MYT1: variants seen among roughly 807,000 people sequenced by gnomAD.
The protein encoded by MYT1 is myelin transcription factor 1, also known as myelin transcription factor I.
MYT1 carries 23 observed loss-of-function variants against 123.0 expected under a neutral mutation model. That is an observed-to-expected ratio of 0.19 (90% CI 0.13 to 0.26). The LOEUF is 0.26. MYT1 is among the 10% of genes least tolerant of loss of function. MYT1 has a pLI of 1.00. For synonymous variants in MYT1, 518 were observed against 575.3 expected (o/e 0.90, Z 1.43); for missense variants, 1,125 against 1,472.5 (o/e 0.76, Z 3.86).
chr20:64,227,874 T>A lies in MYT1; in HGVS notation c.2592-14T>A. 1 of 1,608,018 alleles carries A rather than the reference T, an allele frequency of 6.2e-7. No homozygotes were observed. Among genetic ancestry groups the A allele is most frequent in the Middle Eastern group, 1.7e-4 (1 of 6,012 alleles). Reference sequence around the variant, plus strand: ...CCAGCACTAAGGTGGCCTTTTTTCCTCTTTCGAAATCAGCTTGTCCGGCTG... The same window carrying A: ...CCAGCACTAAGGTGGCCTTTTTTCCACTTTCGAAATCAGCTTGTCCGGCTG... On this transcript the variant is annotated splice_polypyrimidine_tract_variant and intron_variant, in intron 17 of 22. Transcript: ENST00000328439.
chr20:64,208,505 C>T lies in MYT1; in HGVS notation c.1291+18C>T, dbSNP rs1433060062. 1 of 1,567,890 alleles carries T rather than the reference C, an allele frequency of 6.4e-7. No individual in the cohort carries two copies. Among genetic ancestry groups the T allele is most frequent in the Admixed American group, 1.8e-5 (1 of 57,020 alleles). Reference sequence around the variant, plus strand: ...CAGTAAAGGTAGGGCTCAGGGGTGGCCTGGCCCTGCAGACTCATCCTTTCA... The same window carrying T: ...CAGTAAAGGTAGGGCTCAGGGGTGGTCTGGCCCTGCAGACTCATCCTTTCA... On this transcript the variant is annotated intron_variant, in intron 7 of 22. Transcript: ENST00000328439. The surrounding 1 kb of genome is among the most constrained non-coding windows in gnomAD (Gnocchi z 5.4).
In MYT1 at chr20:64,190,899, G is replaced by A. The variant is rs1156349857; in HGVS notation, c.-1+739G>A. 6.6e-6 allele frequency among the ~76,000 whole-genome samples: 1 copy of A among 152,156 alleles called. No individual in the cohort carries two copies. Among genetic ancestry groups the A allele is most frequent in the Non-Finnish European group, 1.5e-5 (1 of 68,030 alleles). ...CAGGAGAATCACTTGAACCTGGGAG[G>A]CAGAGGTTGCAGTGACCCAAGATTG... is the stretch of plus-strand genomic sequence containing the variant. On this transcript the variant is annotated intron_variant, in intron 2 of 22. Coordinates refer to ENST00000328439, the MANE Select transcript of MYT1 (RefSeq NM_004535.3). The surrounding 1 kb of genome is among the most constrained non-coding windows in gnomAD (Gnocchi z 4.1).
At chr20:64,214,825 C>T (rs1332719274) in intron 10 of MYT1, among the ~76,000 whole-genome samples, 1 of 152,254 alleles carries the variant, frequency 6.6e-6, no homozygotes, top group Admixed American at 6.5e-5. Flanking sequence ...CACCTGACCC[C>T]GGCCCTTCCT....
chr20:64,215,258 C>T (rs1262902522), intron 10 of MYT1, among the ~76,000 whole-genome samples: 3 of 152,198 alleles, frequency 2.0e-5, no homozygotes, highest in Non-Finnish European at 2.9e-5. Flanking sequence ...TTGGAGACTG[C>T]ACTCCCTGGG....
intron 1 of MYT1, among the ~76,000 whole-genome samples, chr20:64,181,178 T>C (rs775262014): frequency 5.9e-5 from 9 of 152,144 alleles, no homozygotes; most frequent in Admixed American, 1.3e-4. Flanking sequence ...GTTTTAAAAT[T>C]TTATAGTGCC....
At position 64,227,445 on chromosome 20, in the gene MYT1, C is replaced by G; in HGVS notation, c.2559C>G (p.Gly853=). ...KCPTPGCDGS[G]HITGNYASHR... The stretch of plus-strand genomic sequence containing the variant: ...CCACGCCCGGCTGTGACGGCTCTGG[C>G]CACATCACAGGGAACTACGCTTCAC... Residue 853 remains glycine, a synonymous_variant, in exon 17 of 23, where the codon GGC becomes GGG. Coordinates refer to ENST00000328439, the MANE Select transcript of MYT1 (RefSeq NM_004535.3). 1 of 1,612,810 alleles carries G rather than the reference C, an allele frequency of 6.2e-7. No individual in the cohort carries two copies. The highest frequency in any genetic ancestry group is 8.5e-7 in the Non-Finnish European group (1 of 1,179,892).
At chr20:64,234,013 C>A (rs182958314) in intron 19 of MYT1, among the ~76,000 whole-genome samples, 1 of 152,208 alleles carries the variant, frequency 6.6e-6, no homozygotes, top group African/African-American at 2.4e-5. Flanking sequence ...GCATGGGCAG[C>A]TGGCATGGAC....
At chr20:64,217,415 G>A (rs926626563) in intron 11 of MYT1, 134 bp downstream of exon 11, 16 of 967,258 alleles carry the variant, frequency 1.7e-5, no homozygotes, top group Middle Eastern at 2.2e-4. Flanking sequence ...GGAGGACCAC[G>A]ATGCAGGCTG....
At chr20:64,236,488 TGTGACCCTGGGATGGTCGTGGTGG>T (rs1984552776) in intron 19 of MYT1, 43 bp from the exon 20 acceptor site, 6 of 1,074,896 alleles carry the variant, frequency 5.6e-6, no homozygotes, top group African/African-American at 2.2e-5. Context: ...GGCCGTGGTA[TGTGACCCTGGGATGGTCGTGGTGG>T]GTGACCCTGG....
intron 1 of MYT1, among the ~76,000 whole-genome samples, chr20:64,181,641 G>A (rs1030539239): frequency 6.6e-6 from 1 of 152,066 alleles, no homozygotes; most frequent in Non-Finnish European, 1.5e-5. Context: ...TGCTCTAACC[G>A]CTGCCCACAC....
intron 1 of MYT1, among the ~76,000 whole-genome samples, chr20:64,188,771 G>A (rs1291019259): frequency 2.6e-5 from 4 of 152,182 alleles, no homozygotes; most frequent in African/African-American, 4.8e-5. Flanking sequence ...AGAGATCTTG[G>A]GTGATAGGGA....
In MYT1 at chr20:64,237,438, A is replaced by G. The variant is rs771737741; in HGVS notation, c.3093+48A>G. On this transcript the variant is annotated intron_variant, in intron 21 of 22. Transcript: ENST00000328439. ...CCTGGGCTCTTTGCCCACCCAACCCAAACATTCGTCTTGGGGACAGTGAGG... is the reference window on the plus strand; with the variant it reads ...CCTGGGCTCTTTGCCCACCCAACCCGAACATTCGTCTTGGGGACAGTGAGG... 41 of 1,441,592 alleles carry G rather than the reference A, an allele frequency of 2.8e-5. No individual in the cohort carries two copies. In the South Asian group the frequency reaches 5.0e-4, roughly 17 times the overall value. 89.3% of individuals were successfully genotyped at this position (1,441,592 alleles called of 1,614,324 possible).
intron 19 of MYT1, 107 bp from the exon 20 acceptor site, chr20:64,236,448 G>A (rs1484168000): frequency 2.1e-5 from 12 of 565,826 alleles, no homozygotes; most frequent in African/African-American, 5.7e-5. Flanking sequence ...TGGGTGACCC[G>A]GGGCTGGCCG....
At chr20:64,184,346 T>G (rs1053243564) in intron 1 of MYT1, among the ~76,000 whole-genome samples, 2 of 152,008 alleles carry the variant, frequency 1.3e-5, no homozygotes, top group African/African-American at 4.8e-5. Context: ...TTTTTTTTTT[T>G]GATATCTAGT....
intron 14 of MYT1, 59 bp downstream of exon 14, chr20:64,222,106 C>T: frequency 6.3e-7 from 1 of 1,593,332 alleles, no homozygotes; most frequent in East Asian, 2.2e-5. Flanking sequence ...TGGGGAGGAA[C>T]AGGCCCTGGT....
rs144037652 is a variant in MYT1 at position 64,172,813 on chromosome 20, T to A, written c.-99+8074T>A. Among the ~76,000 whole-genome samples, 788 of 143,068 alleles carry A rather than the reference T, an allele frequency of 5.5e-3. 10 individuals carry two copies. The highest frequency in any genetic ancestry group is 0.02 in the African/African-American group (763 of 38,324). 93.9% of individuals were successfully genotyped at this position (143,068 alleles called of 152,430 possible). A position where few individuals can be genotyped will look rare whatever the true frequency, so the allele number is the denominator to read the frequency against. On this transcript the variant is annotated intron_variant, in intron 1 of 22. Transcript: ENST00000328439. ...CCCAGGCTGGAGTGCAGTGGCGTGA[T>A]CTTGGCTCACTGCAACCTCCGCCTA... is the stretch of plus-strand genomic sequence containing the variant.
intron 1 of MYT1, among the ~76,000 whole-genome samples, chr20:64,170,935 A>AGAGAGC (rs1982259402): frequency 8.3e-6 from 1 of 120,590 alleles, no homozygotes. Flanking sequence ...AGAGAGAGAG[A>AGAGAGC]CGGAGTCTTG....
At chr20:64,179,257 G>A (rs562081753) in intron 1 of MYT1, among the ~76,000 whole-genome samples, 5 of 152,036 alleles carry the variant, frequency 3.3e-5, no homozygotes, top group Admixed American at 1.3e-4. Flanking sequence ...GCACTGAGCC[G>A]TTATTCGGTG....
At chr20:64,200,285 A>T (rs1160217513) in intron 4 of MYT1, among the ~76,000 whole-genome samples, 1 of 152,184 alleles carries the variant, frequency 6.6e-6, no homozygotes, top group Non-Finnish European at 1.5e-5. Flanking sequence ...TTGGAGGCCC[A>T]GTTCGGGGAT....
Sources: gnomAD v4.1 joint callset for allele counts (sites outside exome capture counted in the v4.1 genomes callset) on GRCh38, gnomAD v4.1.1 for gene constraint, Gnocchi (gnomAD v3.1) non-coding constraint, MANE v1.5 for transcripts, NCBI Gene and HGNC (gene_info 2026-07-23, HGNC 2026-07-21) for gene names.